STAU1: variants seen among roughly 807,000 people sequenced by gnomAD.
STAU1 encodes the protein double-stranded RNA-binding protein Staufen homolog 1.
A neutral mutation model predicts 62.9 loss-of-function variants in STAU1; 13 were observed. That is an observed-to-expected ratio of 0.21 (90% CI 0.13 to 0.33). The LOEUF (loss-of-function observed/expected upper bound fraction) is 0.33, where lower values mean the gene tolerates loss of function less well. Ranked by LOEUF, STAU1 falls within the 10% of genes least tolerant of loss-of-function variation. The probability of loss-of-function intolerance (pLI) is 1.00; values close to 1 mark genes in which losing one functional copy is unlikely to be tolerated. For synonymous variants in STAU1, 269 were observed against 265.1 expected (o/e 1.01, Z -0.14); for missense variants, 571 against 712.1 (o/e 0.80, Z 2.25).
At chr20:49,114,982 C>G in intron 13 of STAU1, 89 bp from the exon 14 acceptor site, 1 of 1,369,084 alleles carries the variant, frequency 7.3e-7, no homozygotes, top group Non-Finnish European at 1.0e-6. Context: ...TGGCAAACAT[C>G]AGGAAGTACA....
At chr20:49,124,807 G>C (rs2092553544) in intron 6 of STAU1, among the ~76,000 whole-genome samples, 1 of 152,122 alleles carries the variant, frequency 6.6e-6, no homozygotes, top group Admixed American at 6.5e-5. Context: ...AAACAGTCAG[G>C]CATGAAATAG....
intron 1 of STAU1, among the ~76,000 whole-genome samples, chr20:49,183,479 G>A (rs1239395042): frequency 2.0e-5 from 3 of 152,128 alleles, no homozygotes; most frequent in Non-Finnish European, 2.9e-5. Flanking sequence ...GACAAACTCT[G>A]GGATTGACTT....
chr20:49,128,802 C>T (rs1301508183), intron 6 of STAU1, among the ~76,000 whole-genome samples: 1 of 128,264 alleles, frequency 7.8e-6, no homozygotes, highest in Non-Finnish European at 1.7e-5. Flanking sequence ...AAGACAAAAA[C>T]ATCCCTTATG....
intron 3 of STAU1, among the ~76,000 whole-genome samples, chr20:49,154,511 T>C (rs1404552940): frequency 6.6e-6 from 1 of 152,210 alleles, no homozygotes; most frequent in Non-Finnish European, 1.5e-5. Flanking sequence ...CCGTACACAG[T>C]ATTGAACGAT....
chr20:49,194,756 T>A, the STAU1 span, among the ~76,000 whole-genome samples: 1 of 151,872 alleles, frequency 6.6e-6, no homozygotes, highest in Admixed American at 6.6e-5. Flanking sequence ...TTTTTGCATT[T>A]TCAGCAGAGA....
chr20:49,138,152 G>C (rs1020695479), intron 5 of STAU1, among the ~76,000 whole-genome samples: 1 of 151,974 alleles, frequency 6.6e-6, no homozygotes, highest in Non-Finnish European at 1.5e-5. Context: ...GTGCGGTGTC[G>C]CACATCTGTG....
intron 6 of STAU1, among the ~76,000 whole-genome samples, chr20:49,130,389 A>G (rs942168195): frequency 1.3e-5 from 2 of 152,172 alleles, no homozygotes; most frequent in Non-Finnish European, 2.9e-5. Context: ...CTGGTTACAG[A>G]ACCATATACA....
chr20:49,120,940 G>A (rs1427818766), intron 8 of STAU1, among the ~76,000 whole-genome samples: 3 of 152,032 alleles, frequency 2.0e-5, no homozygotes, highest in East Asian at 1.9e-4. Flanking sequence ...GATTACAGGC[G>A]TGTGCCACCA....
At chr20:49,191,003 C>T (rs1441076210), upstream of STAU1, among the ~76,000 whole-genome samples, 1 of 149,832 alleles carries the variant, frequency 6.7e-6, no homozygotes, top group Admixed American at 6.7e-5. Flanking sequence ...TCATAAAAGC[C>T]CTGTGAGACA....
At chr20:49,202,230 A>AGAAAGAAAGAAAGAAAGAAAGAAAG in the STAU1 span, among the ~76,000 whole-genome samples, 3 of 130,366 alleles carry the variant, frequency 2.3e-5, no homozygotes, top group African/African-American at 5.8e-5. Context: ...AAAAAAAAAA[A>AGAAAGAAAGAAAGAAAGAAAGAAAG]AAAGAAAGAA....
At chr20:49,141,878 G>A (rs2093014846) in intron 5 of STAU1, among the ~76,000 whole-genome samples, 1 of 151,988 alleles carries the variant, frequency 6.6e-6, no homozygotes, top group African/African-American at 2.4e-5. Context: ...AATATAATTT[G>A]GTGTTTTTGA....
chr20:49,125,791 T>C (rs1175167932), intron 6 of STAU1, among the ~76,000 whole-genome samples: 4 of 151,852 alleles, frequency 2.6e-5, no homozygotes, highest in Non-Finnish European at 5.9e-5. Flanking sequence ...GAGCTTGCAG[T>C]GAGCTGAGAT....
At position 49,119,982 on chromosome 20, in the gene STAU1, C is replaced by G; in HGVS notation, c.1113G>C (p.Lys371Asn). The G allele has an allele frequency of 6.2e-7, 1 of 1,613,836 alleles. No homozygotes were observed. Among genetic ancestry groups the G allele is most frequent in the Non-Finnish European group, 8.5e-7 (1 of 1,179,794 alleles). Residue 371 changes from lysine (K) to asparagine (N), a missense_variant and splice_region_variant, in exon 9 of 14, where the codon AAG becomes AAC. By Grantham distance (94) the Lys-to-Asn change is moderately conservative (BLOSUM62 0). Coordinates refer to ENST00000371856, the MANE Select transcript of STAU1 (RefSeq NM_017453.4). ...CAATCAGAGAGCCCACAGCACTCAC[C>G]TTCTCCTCTGACTTGAGTGCGGGTT... ...PTKPALKSEE[K>N]TPIKKPGDGR...
intron 6 of STAU1, chr20:49,134,782 T>A (rs2092837044): frequency 1.7e-6 from 2 of 1,197,604 alleles, no homozygotes; most frequent in African/African-American, 1.5e-5. Flanking sequence ...TGGGAATCAT[T>A]AGTTTTCCCA....
At chr20:49,176,898 A>T (rs2093666323) in intron 1 of STAU1, among the ~76,000 whole-genome samples, 1 of 149,702 alleles carries the variant, frequency 6.7e-6, no homozygotes, top group African/African-American at 2.4e-5. Flanking sequence ...CTATTCTGAG[A>T]AGCAGGGTGT....
intron 5 of STAU1, among the ~76,000 whole-genome samples, chr20:49,140,671 A>G (rs1462882566): frequency 6.6e-6 from 1 of 152,174 alleles, no homozygotes; most frequent in African/African-American, 2.4e-5. Flanking sequence ...CTCTTCAATG[A>G]GTCCAGAATT....
At chr20:49,174,928 C>CTCTGG (rs2093640630) in intron 1 of STAU1, among the ~76,000 whole-genome samples, 1 of 127,474 alleles carries the variant, frequency 7.8e-6, no homozygotes, top group Non-Finnish European at 1.6e-5. Flanking sequence ...AGTGAGACTC[C>CTCTGG]GTCACAAAAA....
intron 5 of STAU1, among the ~76,000 whole-genome samples, chr20:49,149,252 ACACACACAC>A (rs1394462096): frequency 7.9e-4 from 4 of 5,060 alleles, no homozygotes; most frequent in African/African-American, 1.0e-3. Context: ...CTGTCTCAAA[ACACACACAC>A]ACACACACAC....
chr20:49,192,571 G>C (rs946639424), upstream of STAU1, among the ~76,000 whole-genome samples: 4 of 152,142 alleles, frequency 2.6e-5, no homozygotes. Context: ...AGATCATTAA[G>C]ATATCAGTTG....
Sources: gnomAD v4.1 joint callset for allele counts (sites outside exome capture counted in the v4.1 genomes callset) on GRCh38, gnomAD v4.1.1 for gene constraint, MANE v1.5 for transcripts, NCBI Gene and HGNC (gene_info 2026-07-23, HGNC 2026-07-21) for gene names.